The following NRXN3 variants were observed in gnomAD, a reference collection of about 807,000 sequenced individuals.
NRXN3 encodes neurexin III.
In NRXN3, 32 loss-of-function variants were observed where a neutral mutation model predicts 137.6. The observed-to-expected ratio is 0.23, with a 90% CI of 0.18 to 0.31. NRXN3 has a LOEUF of 0.31. Ranked by LOEUF, NRXN3 falls within the 10% of genes least tolerant of loss-of-function variation. The pLI, the probability that NRXN3 is intolerant of heterozygous loss-of-function variation, is 1.00. For missense variants in NRXN3, 1,574 were observed against 2,062.5 expected (o/e 0.76, Z 4.59); for synonymous variants, 798 against 784.5 (o/e 1.02, Z -0.29).
At chr14:78,788,444 G>A (rs1354130320) in intron 8 of NRXN3, among the ~76,000 whole-genome samples, 1 of 152,116 alleles carries the variant, frequency 6.6e-6, no homozygotes, top group East Asian at 1.9e-4. Context: ...TGCCCTGACA[G>A]CTCCCTTGTC....
rs557492670 is a variant in NRXN3 at position 78,552,647 on chromosome 14, C to A, written c.758-92473C>A. Reference sequence around the variant, plus strand: ...CACCAGTGCACTCCAGTATGGGCAACAGGGAAAAATCTCTGTCTCCAATAA... The same window carrying A: ...CACCAGTGCACTCCAGTATGGGCAAAAGGGAAAAATCTCTGTCTCCAATAA... On this transcript the variant is annotated intron_variant, in intron 4 of 20. Coordinates refer to ENST00000335750, the MANE Select transcript of NRXN3 (RefSeq NM_001330195.2). Among the ~76,000 whole-genome samples the A allele has an allele frequency of 3.0e-4, 45 of 152,052 alleles. No individual in the cohort carries two copies. In the South Asian group the frequency reaches 9.4e-3, roughly 32 times the overall value.
At chr14:79,422,969 A>G (rs1259493492) in intron 15 of NRXN3, among the ~76,000 whole-genome samples, 1 of 152,134 alleles carries the variant, frequency 6.6e-6, no homozygotes, top group Non-Finnish European at 1.5e-5. Flanking sequence ...AAGTGCTGGG[A>G]TTACAGGCAT....
At chr14:78,212,125 AC>A (rs1370354703) in intron 1 of NRXN3, among the ~76,000 whole-genome samples, 12 of 152,208 alleles carry the variant, frequency 7.9e-5, no homozygotes, top group African/African-American at 1.4e-4. Context: ...CACTTCTAGT[AC>A]CAATAGGGTC....
chr14:78,277,424 T>A (rs891966256), intron 2 of NRXN3, among the ~76,000 whole-genome samples: 1 of 152,174 alleles, frequency 6.6e-6, no homozygotes, highest in Non-Finnish European at 1.5e-5. Flanking sequence ...TAGGCTTCAG[T>A]TGAATGAATG....
chr14:78,452,809 T>C (rs531954873), intron 4 of NRXN3, among the ~76,000 whole-genome samples: 37 of 152,320 alleles, frequency 2.4e-4, no homozygotes, highest in African/African-American at 7.9e-4. Context: ...AGGCTACAGC[T>C]AGCCTTCTAG....
chr14:78,741,107 A>G (rs918714763), intron 8 of NRXN3, among the ~76,000 whole-genome samples: 14 of 152,208 alleles, frequency 9.2e-5, no homozygotes, highest in African/African-American at 3.1e-4. Flanking sequence ...TCACTGGGAT[A>G]GAGATGTAGT....
intron 4 of NRXN3, among the ~76,000 whole-genome samples, chr14:78,485,716 T>C (rs1254305202): frequency 6.6e-6 from 1 of 152,218 alleles, no homozygotes; most frequent in Non-Finnish European, 1.5e-5. Context: ...TCTCCTTCAT[T>C]TTCTTATCTC....
chr14:78,927,885 T>C (rs1248310618), intron 10 of NRXN3, among the ~76,000 whole-genome samples: 1 of 152,128 alleles, frequency 6.6e-6, no homozygotes, highest in Non-Finnish European at 1.5e-5. Flanking sequence ...AAGGTCTCCT[T>C]TGGACAGTTT....
intron 15 of NRXN3, among the ~76,000 whole-genome samples, chr14:79,077,344 T>C (rs1420374792): frequency 1.3e-5 from 2 of 152,190 alleles, no homozygotes; most frequent in African/African-American, 4.8e-5. Context: ...CCCGAGGCAC[T>C]GGGGAAGTGT....
chr14:79,111,531 G>C (rs552540893), intron 15 of NRXN3, among the ~76,000 whole-genome samples: 18 of 152,246 alleles, frequency 1.2e-4, no homozygotes, highest in Middle Eastern at 3.4e-3. Context: ...CTGAGGTCAG[G>C]AGTTCAAGAC....
intron 16 of NRXN3, among the ~76,000 whole-genome samples, chr14:79,527,161 G>T (rs1045196318): frequency 6.6e-6 from 1 of 151,922 alleles, no homozygotes; most frequent in African/African-American, 2.4e-5. Flanking sequence ...GGGCATGGTG[G>T]CAGAAGCCTG....
At chr14:78,294,814 ATG>A (rs1165169840) in intron 3 of NRXN3, among the ~76,000 whole-genome samples, 1 of 151,920 alleles carries the variant, frequency 6.6e-6, no homozygotes, top group Non-Finnish European at 1.5e-5. Context: ...TATATGGCAA[ATG>A]TGTGTGTGTG....
intron 4 of NRXN3, among the ~76,000 whole-genome samples, chr14:78,533,642 C>G (rs766245492): frequency 1.3e-5 from 2 of 152,178 alleles, no homozygotes; most frequent in Admixed American, 6.5e-5. Context: ...TTTGTGGGAG[C>G]CTTCCCCTTT....
chr14:78,697,243 C>T (rs1336234537), intron 6 of NRXN3, among the ~76,000 whole-genome samples: 1 of 152,004 alleles, frequency 6.6e-6, no homozygotes, highest in Non-Finnish European at 1.5e-5. Context: ...CCTCTTTAGA[C>T]ATCCTATGTC....
chr14:79,506,838 T>C (rs2096883472), intron 16 of NRXN3, among the ~76,000 whole-genome samples: 1 of 152,172 alleles, frequency 6.6e-6, no homozygotes, highest in African/African-American at 2.4e-5. Flanking sequence ...CCCATACCTC[T>C]TCTTCCACTA....
At chr14:79,543,596 G>A (rs994366623) in intron 16 of NRXN3, among the ~76,000 whole-genome samples, 1 of 152,192 alleles carries the variant, frequency 6.6e-6, no homozygotes, top group African/African-American at 2.4e-5. Flanking sequence ...GCTGTATTTG[G>A]CATGACAAGG....
chr14:78,655,662 C>T (rs972703198), intron 6 of NRXN3, among the ~76,000 whole-genome samples: 1 of 151,900 alleles, frequency 6.6e-6, no homozygotes, highest in African/African-American at 2.4e-5. Flanking sequence ...AAAAAAAATG[C>T]ACTCAATAAG....
intron 16 of NRXN3, among the ~76,000 whole-genome samples, chr14:79,582,283 T>G (rs550099341): frequency 3.9e-5 from 6 of 151,938 alleles, no homozygotes; most frequent in African/African-American, 1.4e-4. Flanking sequence ...ACATGTAAGG[T>G]AATAGGAGCT....
chr14:78,398,214 CAAAAAAAA>C (rs55841376), intron 4 of NRXN3, among the ~76,000 whole-genome samples: 6 of 128,224 alleles, frequency 4.7e-5, no homozygotes, highest in African/African-American at 8.8e-5. Context: ...AACTCTGTTT[CAAAAAAAA>C]AAAAAAAAAA....
Sources: gnomAD v4.1 joint callset for allele counts (sites outside exome capture counted in the v4.1 genomes callset) on GRCh38, gnomAD v4.1.1 for gene constraint, MANE v1.5 for transcripts, NCBI Gene and HGNC (gene_info 2026-07-23, HGNC 2026-07-21) for gene names.